Variants in SUPT3H observed in about 807,000 individuals in gnomAD.
SUPT3H encodes the protein SPT3 homolog, SAGA and STAGA complex component, also known as transcription initiation protein SPT3 homolog.
A neutral mutation model predicts 44.3 loss-of-function variants in SUPT3H; 44 were observed. The ratio of observed to expected loss-of-function variants is 0.99; its 90% CI spans 0.78 to 1.28. SUPT3H has a LOEUF of 1.28. Ranked by LOEUF, SUPT3H falls within the 50% of genes most tolerant of loss-of-function variation. SUPT3H has a pLI of 0.00. For missense variants in SUPT3H, 380 were observed against 387.1 expected, an observed-to-expected ratio of 0.98 and a Z score of 0.15; for synonymous variants, 124 against 125.6, an observed-to-expected ratio of 0.99 and a Z score of 0.09.
intron 2 of SUPT3H, among the ~76,000 whole-genome samples, chr6:45,208,494 G>A (rs1427977931): frequency 1.3e-5 from 2 of 152,174 alleles, no homozygotes; most frequent in Non-Finnish European, 2.9e-5. Flanking sequence ...GGGAGGCCAA[G>A]GCGGGCAGAT....
intron 3 of SUPT3H, among the ~76,000 whole-genome samples, chr6:45,054,196 G>C (rs1790767165): frequency 6.6e-6 from 1 of 151,532 alleles, no homozygotes; most frequent in Admixed American, 6.6e-5. Context: ...TCTCCCCCCT[G>C]TAAGCTGTAG....
rs939687678 is a variant in SUPT3H, at chr6:45,372,060, T to C, written c.-1+5708A>G. The C allele has an allele frequency of 1.9e-5, 18 of 958,302 alleles. No individual in the cohort carries two copies. In the Admixed American group the frequency reaches 3.7e-4, roughly 20 times the overall value. The allele number at this position is 958,302 out of a possible 1,614,324, so 59.4% of individuals were successfully genotyped here. A position where few individuals can be genotyped will look rare whatever the true frequency, so the allele number is the denominator to read the frequency against. On this transcript the variant is annotated intron_variant, in intron 1 of 10. Transcript: ENST00000371459. ...TTTATCATAACTAACCCAAAAGGCC[T>C]CCACAATGTGTATGTCACAGTGAAC...
chr6:45,063,450 C>T (rs201001280), intron 3 of SUPT3H, among the ~76,000 whole-genome samples: 32 of 145,628 alleles, frequency 2.2e-4, no homozygotes, highest in African/African-American at 6.4e-4. Flanking sequence ...CGGAACAAAG[C>T]TGGACGGAGA....
intron 2 of SUPT3H, among the ~76,000 whole-genome samples, chr6:45,221,081 G>A (rs1202977162): frequency 2.0e-5 from 3 of 152,140 alleles, no homozygotes; most frequent in East Asian, 3.8e-4. Context: ...TAGGGACATG[G>A]ATAAAGCTGG....
At chr6:44,871,126 C>A (rs956370187) in intron 10 of SUPT3H, among the ~76,000 whole-genome samples, 2 of 150,128 alleles carry the variant, frequency 1.3e-5, no homozygotes, top group African/African-American at 2.4e-5. Context: ...CCGGGAAGCT[C>A]GAACTGGGTG....
chr6:45,253,848 C>CATATATATAT (rs34256293), intron 2 of SUPT3H, among the ~76,000 whole-genome samples: 6,133 of 88,452 alleles, frequency 0.069, 417 homozygotes, highest in Middle Eastern at 0.095. Flanking sequence ...CACATATACG[C>CATATATATAT]ATATATATAT....
At chr6:45,078,093 G>A (rs1172063486) in intron 3 of SUPT3H, among the ~76,000 whole-genome samples, 1 of 152,138 alleles carries the variant, frequency 6.6e-6, no homozygotes, top group Non-Finnish European at 1.5e-5. Flanking sequence ...GACTGGTCTT[G>A]AACTCCTGAC....
intron 2 of SUPT3H, among the ~76,000 whole-genome samples, chr6:45,136,497 G>A (rs1461288071): frequency 6.6e-6 from 1 of 151,774 alleles, no homozygotes; most frequent in African/African-American, 2.4e-5. Context: ...TACAAGTCAA[G>A]CAGTCATTAT....
At chr6:45,173,896 T>C (rs1811245124) in intron 2 of SUPT3H, among the ~76,000 whole-genome samples, 1 of 152,250 alleles carries the variant, frequency 6.6e-6, no homozygotes, top group South Asian at 2.1e-4. Context: ...CACCTTGCAG[T>C]ATCAATACCT....
intron 2 of SUPT3H, among the ~76,000 whole-genome samples, chr6:45,277,631 CAGA>C (rs749425121): frequency 3.3e-5 from 5 of 152,130 alleles, no homozygotes; most frequent in South Asian, 2.1e-4. Flanking sequence ...TATAGGGACT[CAGA>C]AGAATACAAT....
chr6:44,961,651 T>A, intron 7 of SUPT3H, 102 bp downstream of exon 7: 1 of 947,258 alleles, frequency 1.1e-6, no homozygotes, highest in Non-Finnish European at 1.7e-6. Flanking sequence ...ACACATATAT[T>A]AAATCCACCA....
At chr6:45,367,693 T>A (rs749227098) in intron 1 of SUPT3H, among the ~76,000 whole-genome samples, 13 of 152,204 alleles carry the variant, frequency 8.5e-5, no homozygotes, top group Non-Finnish European at 1.6e-4. Context: ...TGAGTTGACT[T>A]GTCTGATTTG....
At chr6:44,884,056 C>A (rs981141499) in intron 10 of SUPT3H, among the ~76,000 whole-genome samples, 3 of 152,178 alleles carry the variant, frequency 2.0e-5, no homozygotes, top group Non-Finnish European at 2.9e-5. Flanking sequence ...GAAAGAAACT[C>A]ATCAGAGTGA....
chr6:45,251,539 G>T (rs772297747), intron 2 of SUPT3H, among the ~76,000 whole-genome samples: 4 of 152,074 alleles, frequency 2.6e-5, no homozygotes, highest in Non-Finnish European at 4.4e-5. Context: ...CATCTGAACA[G>T]CAATCTAGTC....
In SUPT3H at chr6:44,904,237, C is replaced by A. The variant is rs546243292; in HGVS notation, c.912+28416G>T. Among the ~76,000 whole-genome samples the A allele has an allele frequency of 1.1e-3, 167 of 152,268 alleles. 1 individual carries two copies. Among genetic ancestry groups the A allele is most frequent in the African/African-American group, 3.5e-3 (146 of 41,560 alleles). ...AAAGAGGAAGTCAAATTGTCCCTGT[C>A]TGCAGATGACATGATTGTATATCTA... On this transcript the variant is annotated intron_variant, in intron 10 of 10. Coordinates refer to ENST00000371459, the MANE Select transcript of SUPT3H (RefSeq NM_003599.4).
chr6:44,837,413 A>G (rs1770118017), intron 10 of SUPT3H, among the ~76,000 whole-genome samples: 1 of 152,242 alleles, frequency 6.6e-6, no homozygotes, highest in African/African-American at 2.4e-5. Context: ...CCTCTGGGCA[A>G]TAATGGGAAA....
At chr6:45,249,451 C>CA (rs563551913) in intron 2 of SUPT3H, among the ~76,000 whole-genome samples, 20,916 of 136,262 alleles carry the variant, frequency 0.15, 1,903 homozygotes, top group African/African-American at 0.28. Flanking sequence ...AACAGACACA[C>CA]AAAAAAAAAA....
chr6:45,354,316 T>C (rs1456819263), intron 2 of SUPT3H, among the ~76,000 whole-genome samples: 1 of 152,134 alleles, frequency 6.6e-6, no homozygotes, highest in Non-Finnish European at 1.5e-5. Context: ...AACATAGTTG[T>C]TCACAATATA....
intron 2 of SUPT3H, among the ~76,000 whole-genome samples, chr6:45,362,134 T>C (rs1020165232): frequency 6.6e-6 from 1 of 152,180 alleles, no homozygotes; most frequent in African/African-American, 2.4e-5. Flanking sequence ...ATTCAAAATA[T>C]GGTAAGTTCT....
Sources: allele counts gnomAD v4.1 joint callset (sites outside exome capture counted in the v4.1 genomes callset), GRCh38; gene constraint gnomAD v4.1.1; transcripts MANE v1.5; gene names NCBI Gene and HGNC (gene_info 2026-07-23, HGNC 2026-07-21).